Variants in CADM2 observed in about 807,000 individuals in gnomAD.
The protein encoded by CADM2 is cell adhesion molecule 2, also known as immunoglobulin superfamily member 4D.
CADM2 carries 12 observed loss-of-function variants against 49.8 expected under a neutral mutation model. The ratio of observed to expected loss-of-function variants is 0.24; its 90% confidence interval spans 0.15 to 0.39. The LOEUF is 0.39. Ranked by LOEUF, CADM2 falls within the 10% of genes least tolerant of loss-of-function variation. The pLI, the probability that CADM2 is intolerant of heterozygous loss-of-function variation, is 1.00. For missense variants in CADM2, 378 were observed against 492.3 expected (o/e 0.77, Z 2.20); for synonymous variants, 214 against 175.4 (o/e 1.22, Z -1.74).
At chr3:85,361,128 T>C (rs943527561) in intron 1 of CADM2, among the ~76,000 whole-genome samples, 2 of 152,210 alleles carry the variant, frequency 1.3e-5, no homozygotes, top group Non-Finnish European at 2.9e-5. Context: ...TACTCAAAGA[T>C]AAACTTAGAC....
At chr3:85,385,049 C>T (rs2034141199) in intron 1 of CADM2, among the ~76,000 whole-genome samples, 1 of 152,020 alleles carries the variant, frequency 6.6e-6, no homozygotes, top group African/African-American at 2.4e-5. Flanking sequence ...GATTCTCCTG[C>T]CTCAATTTCC....
At chr3:85,088,088 G>T (rs1052632835) in intron 1 of CADM2, among the ~76,000 whole-genome samples, 4 of 152,064 alleles carry the variant, frequency 2.6e-5, no homozygotes, top group Admixed American at 1.3e-4. Flanking sequence ...AGAATTTTCT[G>T]TCTAATCCTG....
intron 1 of CADM2, among the ~76,000 whole-genome samples, chr3:85,682,191 G>A (rs770971816): frequency 1.3e-5 from 2 of 152,074 alleles, no homozygotes; most frequent in Non-Finnish European, 2.9e-5. Context: ...GATTGAATGA[G>A]CACTACAAAG....
At chr3:85,370,436 G>T (rs1270048420) in intron 1 of CADM2, among the ~76,000 whole-genome samples, 1 of 148,928 alleles carries the variant, frequency 6.7e-6, no homozygotes, top group Non-Finnish European at 1.5e-5. Context: ...TAAAATAAAA[G>T]AAAATTGAAC....
chr3:85,357,500 T>C (rs2031963903), intron 1 of CADM2, among the ~76,000 whole-genome samples: 1 of 152,156 alleles, frequency 6.6e-6, no homozygotes. Context: ...GTACTTTAAA[T>C]ATATAGTATT....
At chr3:85,403,232 G>T (rs1452205465) in intron 1 of CADM2, among the ~76,000 whole-genome samples, 1 of 152,014 alleles carries the variant, frequency 6.6e-6, no homozygotes, top group African/African-American at 2.4e-5. Context: ...GTTTTCATGT[G>T]GATGAAGCGA....
intron 1 of CADM2, among the ~76,000 whole-genome samples, chr3:85,210,978 AAGTTGTG>A (rs145249357): frequency 9.9e-5 from 15 of 152,162 alleles, no homozygotes; most frequent in African/African-American, 3.4e-4. Flanking sequence ...TTGTCTTTTC[AAGTTGTG>A]AATTTCTTCA....
intron 3 of CADM2, among the ~76,000 whole-genome samples, chr3:85,881,256 T>C (rs1361144306): frequency 6.6e-6 from 1 of 152,134 alleles, no homozygotes; most frequent in Non-Finnish European, 1.5e-5. Context: ...TTTAATAACA[T>C]TTTTCATGCT....
chr3:86,059,460 GC>G, intron 8 of CADM2, among the ~76,000 whole-genome samples: 1 of 152,218 alleles, frequency 6.6e-6, no homozygotes, highest in East Asian at 1.9e-4. Context: ...AGTTCAGAAA[GC>G]TTTATGTTTA....
chr3:85,797,457 C>T (rs1333544905), intron 2 of CADM2, among the ~76,000 whole-genome samples: 1 of 152,018 alleles, frequency 6.6e-6, no homozygotes, highest in Non-Finnish European at 1.5e-5. Context: ...TCCTTGTATC[C>T]ATATATATGT....
chr3:85,976,469 G>A (rs1362942297), intron 8 of CADM2, among the ~76,000 whole-genome samples: 1 of 151,486 alleles, frequency 6.6e-6, no homozygotes, highest in Non-Finnish European at 1.5e-5. Flanking sequence ...TTCTGGTGCT[G>A]AATATTTAGG....
chr3:85,052,452 G>A lies in CADM2; in HGVS notation c.61+92784G>A, dbSNP rs146908918. ...TGTTTGCTTGACAAAATTAAATTGA[G>A]TGATTCTCAAACTCTATCTGGGGTC... On this transcript the variant is annotated intron_variant, in intron 1 of 9. Coordinates refer to ENST00000383699, the MANE Select transcript of CADM2 (RefSeq NM_001167675.2). Among the ~76,000 whole-genome samples, 675 of 152,154 alleles carry A rather than the reference G, an allele frequency of 4.4e-3. 3 individuals are homozygous for A. Among genetic ancestry groups the A allele is most frequent in the African/African-American group, 0.015 (637 of 41,536 alleles).
chr3:85,954,427 C>T (rs187600212), intron 7 of CADM2, among the ~76,000 whole-genome samples: 1 of 151,220 alleles, frequency 6.6e-6, no homozygotes, highest in Non-Finnish European at 1.5e-5. Flanking sequence ...ACATCCTTAA[C>T]TTCTGACAGG....
chr3:85,801,310 A>G (rs1460685079), intron 2 of CADM2, among the ~76,000 whole-genome samples: 1 of 152,160 alleles, frequency 6.6e-6, no homozygotes, highest in Admixed American at 6.6e-5. Flanking sequence ...CAAATTAACA[A>G]GGGTCATTTA....
chr3:85,521,419 A>G (rs947326888), intron 1 of CADM2, among the ~76,000 whole-genome samples: 1 of 152,092 alleles, frequency 6.6e-6, no homozygotes, highest in Non-Finnish European at 1.5e-5. Flanking sequence ...ACGCTTATCG[A>G]TATCATTTGC....
intron 2 of CADM2, among the ~76,000 whole-genome samples, chr3:85,739,569 A>G (rs2068291197): frequency 6.6e-6 from 1 of 152,128 alleles, no homozygotes; most frequent in Non-Finnish European, 1.5e-5. Flanking sequence ...TGAGAAATGA[A>G]TAGGATGACA....
At chr3:85,569,494 C>T (rs958991229) in intron 1 of CADM2, among the ~76,000 whole-genome samples, 1 of 151,910 alleles carries the variant, frequency 6.6e-6, no homozygotes, top group Admixed American at 6.6e-5. Context: ...AAGAAACTAC[C>T]CAATTATCTT....
At chr3:85,313,889 C>CTTAT (rs746845237) in intron 1 of CADM2, among the ~76,000 whole-genome samples, 6 of 152,030 alleles carry the variant, frequency 3.9e-5, no homozygotes, top group South Asian at 2.1e-4. Context: ...CTTGTATTAT[C>CTTAT]TTATTTATTT....
chr3:85,691,403 C>T (rs1219542840), intron 1 of CADM2, among the ~76,000 whole-genome samples: 4 of 152,152 alleles, frequency 2.6e-5, no homozygotes, highest in South Asian at 2.1e-4. Flanking sequence ...ATAAACATTT[C>T]GCAATATTCT....
Sources: allele counts gnomAD v4.1 joint callset (sites outside exome capture counted in the v4.1 genomes callset), GRCh38; gene constraint gnomAD v4.1.1; transcripts MANE v1.5; gene names NCBI Gene and HGNC (gene_info 2026-07-23, HGNC 2026-07-21).